The following KLF8 variants were observed in gnomAD, a reference collection of about 807,000 sequenced individuals.
The protein encoded by KLF8 is KLF transcription factor 8, also known as Krueppel-like factor 8.
Under a neutral mutation model 18.2 loss-of-function variants are expected in KLF8, and 10 were observed. That is an observed-to-expected ratio of 0.55 (90% confidence interval 0.34 to 0.93). The LOEUF (loss-of-function observed/expected upper bound fraction) is 0.93, where lower values mean the gene tolerates loss of function less well. Ranked by LOEUF, KLF8 falls within the 40% of genes least tolerant of loss-of-function variation. The pLI is 0.02. For missense variants in KLF8, 264 were observed against 277.9 expected, an observed-to-expected ratio of 0.95 and a Z score of 0.36; for synonymous variants, 109 against 97.3, an observed-to-expected ratio of 1.12 and a Z score of -0.71.
At chrX:56,119,832 A>G in the KLF8 span, among the ~76,000 whole-genome samples, 1 of 108,194 alleles carries the variant, frequency 9.2e-6, no homozygotes. Context: ...GCCTGCAAGC[A>G]GAAGAATGGG....
At chrX:56,032,939 C>G in the KLF8 span, among the ~76,000 whole-genome samples, 1 of 112,052 alleles carries the variant, frequency 8.9e-6, no homozygotes, top group African/African-American at 3.2e-5. Flanking sequence ...TTTAAAATTT[C>G]TCAGTCCTAC....
chrX:56,163,688 A>G, the KLF8 span, among the ~76,000 whole-genome samples: 1 of 111,802 alleles, frequency 8.9e-6, no homozygotes, highest in Non-Finnish European at 1.9e-5. Flanking sequence ...CTATGTCCTC[A>G]GTGGTATGGT....
At chrX:56,027,038 C>A in the KLF8 span, among the ~76,000 whole-genome samples, 1 of 112,889 alleles carries the variant, frequency 8.9e-6, no homozygotes, top group South Asian at 3.6e-4. Context: ...AGCTTAACAG[C>A]TTTTCAAGTG....
chrX:56,238,637 G>C, intron 1 of KLF8, among the ~76,000 whole-genome samples: 2 of 111,093 alleles, frequency 1.8e-5, no homozygotes, highest in Non-Finnish European at 3.8e-5. Context: ...TACTCATCTG[G>C]CCTAGGTGGC....
chrX:56,128,316 G>T, the KLF8 span, among the ~76,000 whole-genome samples: 2 of 111,587 alleles, frequency 1.8e-5, no homozygotes, highest in Non-Finnish European at 3.8e-5. Flanking sequence ...TTTAGGCCTG[G>T]TTTATGTTCC....
At chrX:56,123,115 AG>A in the KLF8 span, among the ~76,000 whole-genome samples, 1 of 110,622 alleles carries the variant, frequency 9.0e-6, no homozygotes, top group Non-Finnish European at 1.9e-5. Flanking sequence ...TTGGAGAACA[AG>A]GATTCTAGAA....
At chrX:56,266,003 T>A in intron 3 of KLF8, 1 of 870,621 alleles carries the variant, frequency 1.1e-6, no homozygotes, top group Non-Finnish European at 1.4e-6. Context: ...ACTTCCACAT[T>A]ATTTGATATT....
chrX:56,270,207 G>A lies in KLF8; in HGVS notation c.784G>A (p.Gly262Arg). The A allele has an allele frequency of 1.7e-6, 2 of 1,209,790 alleles. No homozygotes were observed. Among genetic ancestry groups the A allele is most frequent in the Non-Finnish European group, 2.2e-6 (2 of 894,483 alleles). ...QEPAAMAQMQ[G>R]EESLDLKRRR... ...ACCAGCAGCAATGGCCCAAATGCAG[G>A]GAGAAGAGTCGCTTGACTTGAAGAG... The change falls in exon 5 of 6, where the codon GGA becomes AGA. Residue 262 changes from glycine (G) to arginine (R), a missense_variant. Physicochemically the swap from Gly to Arg is moderately radical, Grantham distance 125 (BLOSUM62 -2). Around this residue, in one of 2 missense-constraint regions of KLF8, gnomAD observed 221 missense variants for 193.6 expected, o/e 1.14. Transcript: ENST00000468660.
chrX:56,132,796 G>A, the KLF8 span, among the ~76,000 whole-genome samples: 2 of 110,446 alleles, frequency 1.8e-5, no homozygotes, highest in Non-Finnish European at 3.8e-5. Flanking sequence ...GAAGAGAGAA[G>A]ATCCAAATAA....
At chrX:56,124,983 A>C in the KLF8 span, among the ~76,000 whole-genome samples, 8 of 112,112 alleles carry the variant, frequency 7.1e-5, no homozygotes, top group Non-Finnish European at 1.5e-4. Context: ...TCAAGTGGGC[A>C]GGCTTGATTC....
intron 1 of KLF8, among the ~76,000 whole-genome samples, chrX:56,237,399 ATGTG>A (rs748941653): frequency 9.4e-6 from 1 of 106,436 alleles, no homozygotes; most frequent in Admixed American, 1.0e-4. Context: ...TTATATATAT[ATGTG>A]TGTGTGTGTG....
intron 5 of KLF8, 59 bp downstream of exon 5, chrX:56,270,380 A>ACACACG: frequency 2.5e-6 from 2 of 809,310 alleles, no homozygotes; most frequent in Non-Finnish European, 3.1e-6. Context: ...ACACACACAC[A>ACACACG]CGAGAGAGAG....
chrX:56,038,461 G>A, the KLF8 span, among the ~76,000 whole-genome samples: 27 of 112,055 alleles, frequency 2.4e-4, no homozygotes, highest in African/African-American at 8.1e-4. Context: ...TTATGAGTGA[G>A]AACATGCACT....
chrX:56,060,931 T>A, the KLF8 span, among the ~76,000 whole-genome samples: 1 of 111,853 alleles, frequency 8.9e-6, no homozygotes, highest in Non-Finnish European at 1.9e-5. Flanking sequence ...GGAGTGTGTA[T>A]GTGTCCAGAA....
At chrX:56,078,830 G>T in the KLF8 span, among the ~76,000 whole-genome samples, 6 of 110,989 alleles carry the variant, frequency 5.4e-5, no homozygotes, top group South Asian at 3.8e-4. Context: ...GCCTGTTATT[G>T]GTCTATTCAG....
the KLF8 span, among the ~76,000 whole-genome samples, chrX:55,947,834 A>C: frequency 8.9e-6 from 1 of 111,973 alleles, no homozygotes; most frequent in Non-Finnish European, 1.9e-5. Context: ...CAATATTTTA[A>C]AAAACATTTC....
the KLF8 span, among the ~76,000 whole-genome samples, chrX:56,191,691 G>A: frequency 1.8e-5 from 2 of 111,053 alleles, no homozygotes; most frequent in East Asian, 2.8e-4. Flanking sequence ...CAAAATGAAT[G>A]GCAAAAATTA....
chrX:56,118,624 A>T, the KLF8 span, among the ~76,000 whole-genome samples: 11 of 110,821 alleles, frequency 9.9e-5, no homozygotes, highest in East Asian at 3.1e-3. Flanking sequence ...AAGTCTCCTA[A>T]CTCTTAATTT....
chrX:56,003,177 G>A, the KLF8 span, among the ~76,000 whole-genome samples: 4 of 110,747 alleles, frequency 3.6e-5, no homozygotes, highest in Admixed American at 9.6e-5. Context: ...GATCACCTGA[G>A]GTCAGGAGTT....
Sources: allele counts gnomAD v4.1 joint callset (sites outside exome capture counted in the v4.1 genomes callset), GRCh38; gene constraint gnomAD v4.1.1; regional missense constraint gnomAD v4.1.1; transcripts MANE v1.5; gene names NCBI Gene and HGNC (gene_info 2026-07-23, HGNC 2026-07-21).